KAZN: variants seen among roughly 807,000 people sequenced by gnomAD.
The protein encoded by KAZN is kazrin.
A neutral mutation model predicts 87.4 loss-of-function variants in KAZN; 40 were observed. That is an observed-to-expected ratio of 0.46 (90% CI 0.36 to 0.60). The LOEUF is 0.60. Ranked by LOEUF, KAZN falls within the 20% of genes least tolerant of loss-of-function variation. The probability of loss-of-function intolerance (pLI) is 0.00; values close to 1 mark genes in which losing one functional copy is unlikely to be tolerated. For missense variants in KAZN, 898 were observed against 1,073.9 expected (o/e 0.84, Z 2.29); for synonymous variants, 466 against 458.3 (o/e 1.02, Z -0.22).
At chr1:14,187,396 A>G (rs1008858798) in intron 2 of KAZN, among the ~76,000 whole-genome samples, 24 of 152,214 alleles carry the variant, frequency 1.6e-4, no homozygotes, top group Non-Finnish European at 4.4e-5. Flanking sequence ...GCTTCCAAGA[A>G]TATGGTTTAC....
chr1:14,980,715 AGGG>A (rs1407724089), intron 2 of KAZN, among the ~76,000 whole-genome samples: 2 of 152,206 alleles, frequency 1.3e-5, no homozygotes, highest in Non-Finnish European at 2.9e-5. Flanking sequence ...ACAGAGAGGC[AGGG>A]GGTGTCTCGG....
intron 2 of KAZN, among the ~76,000 whole-genome samples, chr1:14,456,259 A>G (rs1667560874): frequency 6.6e-6 from 1 of 152,196 alleles, no homozygotes; most frequent in East Asian, 1.9e-4. Context: ...TCCCTTGTGG[A>G]CCTGATCAGA....
intron 1 of KAZN, among the ~76,000 whole-genome samples, chr1:14,180,224 T>C (rs145425546): frequency 3.4e-4 from 52 of 152,272 alleles, no homozygotes; most frequent in African/African-American, 1.2e-3. Flanking sequence ...AAGCACTCTA[T>C]GTAGGCTTGG....
chr1:14,200,555 T>C (rs1169683444), intron 2 of KAZN, among the ~76,000 whole-genome samples: 1 of 152,230 alleles, frequency 6.6e-6, no homozygotes, highest in Non-Finnish European at 1.5e-5. Context: ...GCCCAGTTTG[T>C]TTCTGCATAT....
At chr1:14,243,593 A>G (rs1162469275) in intron 2 of KAZN, among the ~76,000 whole-genome samples, 1 of 152,230 alleles carries the variant, frequency 6.6e-6, no homozygotes, top group Non-Finnish European at 1.5e-5. Flanking sequence ...GCATATGGCT[A>G]ACAATACCGT....
chr1:14,426,160 C>T (rs982465218), intron 2 of KAZN, among the ~76,000 whole-genome samples: 3 of 152,178 alleles, frequency 2.0e-5, no homozygotes, highest in Non-Finnish European at 4.4e-5. Context: ...AGCACCTTCT[C>T]ATTTCATGGT....
At chr1:14,193,359 T>A (rs1228966421) in intron 2 of KAZN, among the ~76,000 whole-genome samples, 2 of 152,154 alleles carry the variant, frequency 1.3e-5, no homozygotes, top group Non-Finnish European at 2.9e-5. Flanking sequence ...TGAAACAATG[T>A]GAAGACACGT....
chr1:14,456,477 T>C (rs1390549926), intron 2 of KAZN, among the ~76,000 whole-genome samples: 1 of 152,208 alleles, frequency 6.6e-6, no homozygotes, highest in Non-Finnish European at 1.5e-5. Flanking sequence ...TTACAAGATA[T>C]GTATTGTCTG....
chr1:13,916,882 G>T (rs1224702275), intron 1 of KAZN, among the ~76,000 whole-genome samples: 2 of 152,224 alleles, frequency 1.3e-5, no homozygotes, highest in East Asian at 3.9e-4. Context: ...GGAGAATGGG[G>T]GAGAGGAGAG....
chr1:14,335,379 T>G (rs1657178418), intron 2 of KAZN, among the ~76,000 whole-genome samples: 2 of 152,048 alleles, frequency 1.3e-5, no homozygotes, highest in Admixed American at 1.3e-4. Context: ...ATTTTTGTAT[T>G]TTTAGTAGAG....
At chr1:14,452,486 G>C (rs915231340) in intron 2 of KAZN, among the ~76,000 whole-genome samples, 1 of 152,162 alleles carries the variant, frequency 6.6e-6, no homozygotes, top group South Asian at 2.1e-4. Context: ...GGGCTGCAAG[G>C]ACAGGCAAAA....
intron 2 of KAZN, among the ~76,000 whole-genome samples, chr1:14,473,809 A>C (rs2486773): frequency 7.2e-5 from 11 of 152,090 alleles, no homozygotes; most frequent in Non-Finnish European, 1.6e-4. Context: ...TGTGTCTACC[A>C]CAGGGCCTTT....
intron 2 of KAZN, among the ~76,000 whole-genome samples, chr1:14,264,622 C>T (rs1243646287): frequency 6.6e-6 from 1 of 152,172 alleles, no homozygotes; most frequent in Admixed American, 6.5e-5. Context: ...GCAAGAAGGT[C>T]CTTACAAGAT....
intron 1 of KAZN, among the ~76,000 whole-genome samples, chr1:13,923,823 C>T (rs547045639): frequency 6.6e-6 from 1 of 152,170 alleles, no homozygotes; most frequent in South Asian, 2.1e-4. Context: ...CAGTTCAAAG[C>T]TGTGTTGTTT....
intron 2 of KAZN, among the ~76,000 whole-genome samples, chr1:14,446,707 T>G (rs897905470): frequency 4.6e-5 from 7 of 152,164 alleles, no homozygotes; most frequent in African/African-American, 1.7e-4. Context: ...CATTCGCAGG[T>G]AGCTCAGTCT....
At chr1:14,188,344 A>G (rs1646355392) in intron 2 of KAZN, among the ~76,000 whole-genome samples, 2 of 152,068 alleles carry the variant, frequency 1.3e-5, no homozygotes, top group Admixed American at 1.3e-4. Flanking sequence ...GAGATGTTGC[A>G]AAAGATATAT....
chr1:14,792,933 G>A (rs1472733016), intron 1 of KAZN, among the ~76,000 whole-genome samples: 3 of 145,638 alleles, frequency 2.1e-5, no homozygotes, highest in Non-Finnish European at 4.4e-5. Flanking sequence ...CCAAGATCGT[G>A]CCATTGCACT....
At chr1:14,941,402 C>T (rs1661057249) in intron 1 of KAZN, among the ~76,000 whole-genome samples, 1 of 152,038 alleles carries the variant, frequency 6.6e-6, no homozygotes. Flanking sequence ...GGCACTCAGC[C>T]GAGAGATTAC....
chr1:14,538,215 A>G (rs2148491043), intron 2 of KAZN, among the ~76,000 whole-genome samples: 1 of 152,340 alleles, frequency 6.6e-6, no homozygotes. Context: ...TAGACAAATT[A>G]CTTTTCTGTG....
Sources: allele counts gnomAD v4.1 joint callset (sites outside exome capture counted in the v4.1 genomes callset), GRCh38; gene constraint gnomAD v4.1.1; transcripts MANE v1.5; gene names NCBI Gene and HGNC (gene_info 2026-07-23, HGNC 2026-07-21).